MACO1: variants seen among roughly 807,000 people sequenced by gnomAD.
The protein encoded by MACO1 is macoilin.
A neutral mutation model predicts 78.7 loss-of-function variants in MACO1; 14 were observed. That is an observed-to-expected ratio of 0.18 (90% CI 0.12 to 0.28). The LOEUF is 0.28. Ranked by LOEUF, MACO1 falls within the 10% of genes least tolerant of loss-of-function variation. MACO1 has a pLI of 1.00. For missense variants in MACO1, 501 were observed against 799.0 expected, an observed-to-expected ratio of 0.63 and a Z score of 4.50; for synonymous variants, 288 against 291.6, an observed-to-expected ratio of 0.99 and a Z score of 0.12.
At chr1:25,455,325 A>G (rs559039868) in intron 4 of MACO1, among the ~76,000 whole-genome samples, 16 of 152,280 alleles carry the variant, frequency 1.1e-4, no homozygotes, top group South Asian at 2.1e-4. Context: ...ATTTAGATCT[A>G]TTGTGGAACT....
intron 10 of MACO1, among the ~76,000 whole-genome samples, chr1:25,495,900 T>A (rs2043531920): frequency 6.6e-6 from 1 of 152,138 alleles, no homozygotes; most frequent in Non-Finnish European, 1.5e-5. Flanking sequence ...AAGTGGAGGT[T>A]GCAGTGAGTA....
At position 25,491,424 on chromosome 1, in the gene MACO1, T is replaced by C. The variant is rs1313705162; in HGVS notation, c.1632T>C (p.Tyr544=). ...GATATTGATAGGAGCTTCGGAAATA[T>C]AAGGAAAATGAGAAGGACACTGAGG... ...LELKVQELRK[Y]KENEKDTEVL... is the part of the protein sequence containing the mutation. Residue 544 remains tyrosine (Y), a synonymous_variant, in exon 10 of 11, where the codon TAT becomes TAC. Transcript: ENST00000374343. 2.5e-6 allele frequency: 4 copies of C among 1,614,170 alleles called. No individual in the cohort carries two copies. Among genetic ancestry groups the C allele is most frequent in the African/African-American group, 1.3e-5 (1 of 75,038 alleles).
intron 4 of MACO1, 87 bp downstream of exon 4, chr1:25,454,469 TG>T: frequency 5.7e-6 from 1 of 174,260 alleles, no homozygotes; most frequent in Non-Finnish European, 8.4e-6. Context: ...TGTGTGTGTG[TG>T]TATATATATA....
At chr1:25,491,650 C>A in intron 10 of MACO1, 66 bp downstream of exon 10, 2 of 1,447,966 alleles carry the variant, frequency 1.4e-6, no homozygotes, top group Non-Finnish European at 1.9e-6. Context: ...ACAGGCCAGA[C>A]CTCTCCTGAG....
At chr1:25,433,053 G>A (rs979265211) in intron 1 of MACO1, among the ~76,000 whole-genome samples, 4 of 152,152 alleles carry the variant, frequency 2.6e-5, no homozygotes, top group African/African-American at 7.2e-5. Flanking sequence ...GTTATTCAGA[G>A]GTTCATCTGC....
At chr1:25,467,332 G>A (rs1195199777) in intron 6 of MACO1, among the ~76,000 whole-genome samples, 1 of 152,186 alleles carries the variant, frequency 6.6e-6, no homozygotes, top group Admixed American at 6.5e-5. Context: ...CTGTCCTGAA[G>A]TTTCAAGGCC....
intron 1 of MACO1, among the ~76,000 whole-genome samples, chr1:25,431,572 G>A (rs935625206): frequency 1.3e-5 from 2 of 152,018 alleles, no homozygotes; most frequent in African/African-American, 4.8e-5. Context: ...CGAGCCCCCC[G>A]GTGGCCTGGG....
chr1:25,485,539 A>C lies in MACO1; in HGVS notation c.1314-74A>C, dbSNP rs1013756730. On this transcript the variant is annotated intron_variant, in intron 7 of 10. Coordinates refer to ENST00000374343, the MANE Select transcript of MACO1 (RefSeq NM_018202.6). The surrounding 1 kb of genome is among the most constrained non-coding windows in gnomAD (Gnocchi z 4.3). ...CTGTTTAATTGGCCTTAAGGTGATA[A>C]AGAGATGTTTCTCAAGGGTTTATAG... is the stretch of plus-strand genomic sequence containing the variant. The C allele has an allele frequency of 3.4e-6, 5 of 1,481,346 alleles. No individual in the cohort carries two copies. The highest frequency in any genetic ancestry group is 4.5e-6 in the Non-Finnish European group (5 of 1,099,054). The allele number at this position is 1,481,346 out of a possible 1,614,324, so 91.8% of individuals were successfully genotyped here. A position where few individuals can be genotyped will look rare whatever the true frequency, so the allele number is the denominator to read the frequency against.
intron 5 of MACO1, among the ~76,000 whole-genome samples, chr1:25,458,000 G>A (rs2043136900): frequency 6.6e-6 from 1 of 151,920 alleles, no homozygotes; most frequent in African/African-American, 2.4e-5. Flanking sequence ...TTTACTCCAG[G>A]CACTTAAAAA....
At chr1:25,450,089 CCAAA>C (rs1405330583) in intron 3 of MACO1, among the ~76,000 whole-genome samples, 2 of 152,048 alleles carry the variant, frequency 1.3e-5, no homozygotes, top group African/African-American at 2.4e-5. Context: ...CGCCTCAATC[CCAAA>C]CATTGAACCT....
chr1:25,466,423 C>T (rs1318210160), intron 6 of MACO1, among the ~76,000 whole-genome samples: 6 of 152,202 alleles, frequency 3.9e-5, no homozygotes, highest in African/African-American at 1.2e-4. Flanking sequence ...AAGTGATTCT[C>T]GTGCCTCAGC....
Position 25,489,202 on chromosome 1 carries a change from G to C in MACO1, c.1526G>C (p.Arg509Pro). Residue 509 changes from arginine to proline, a missense_variant, in exon 9 of 11, where the codon CGG becomes CCG. Arg to Pro is a moderately radical substitution (Grantham distance 103). This residue lies in a region of MACO1 where 163 missense variants were observed against 271.9 expected (regional missense o/e 0.60). Coordinates refer to ENST00000374343, the MANE Select transcript of MACO1 (RefSeq NM_018202.6). Reference sequence around the variant, plus strand: ...GAATGCACCGAAACCTTACGGAATCGGATCAGAGAACTAGAAGCAGAGGGC... The same window carrying C: ...GAATGCACCGAAACCTTACGGAATCCGATCAGAGAACTAGAAGCAGAGGGC... The part of the protein sequence containing the change: ...RGECTETLRN[R>P]IRELEAEGKK... 6.2e-7 allele frequency: 1 copy of C among 1,613,842 alleles called. No homozygotes were observed. Among genetic ancestry groups the C allele is most frequent in the Non-Finnish European group, 8.5e-7 (1 of 1,179,922 alleles).
At chr1:25,491,864 G>C (rs1290972910) in intron 10 of MACO1, among the ~76,000 whole-genome samples, 1 of 152,206 alleles carries the variant, frequency 6.6e-6, no homozygotes, top group Non-Finnish European at 1.5e-5. Flanking sequence ...AACTGCAGAG[G>C]CATCAAAAGG....
intron 8 of MACO1, among the ~76,000 whole-genome samples, chr1:25,486,484 G>A (rs991166512): frequency 2.0e-5 from 3 of 152,028 alleles, no homozygotes; most frequent in African/African-American, 7.2e-5. Flanking sequence ...TTCTTGACTA[G>A]TGAAGTCCCT....
At position 25,454,244 on chromosome 1, in the gene MACO1, G is replaced by T; in HGVS notation, c.350-15G>T. 1 of 1,566,084 alleles carries T rather than the reference G, an allele frequency of 6.4e-7. No individual in the cohort carries two copies. Among genetic ancestry groups the T allele is most frequent in the Non-Finnish European group, 8.7e-7 (1 of 1,155,154 alleles). On this transcript the variant is annotated splice_polypyrimidine_tract_variant and intron_variant, in intron 3 of 10. Transcript: ENST00000374343. ...ATCGTTTATTAATGCTTGCCTCTCT[G>T]CTGCTTTCTCACAGAAAGGGGAGTG...
intron 1 of MACO1, among the ~76,000 whole-genome samples, chr1:25,441,112 A>G (rs1215153501): frequency 6.6e-6 from 1 of 152,100 alleles, no homozygotes; most frequent in Non-Finnish European, 1.5e-5. Flanking sequence ...CTCTCCCTCT[A>G]TATTCGTTGT....
chr1:25,475,565 A>AAAG (rs2043315035), intron 6 of MACO1, among the ~76,000 whole-genome samples: 1 of 148,142 alleles, frequency 6.8e-6, no homozygotes, highest in African/African-American at 2.5e-5. Context: ...AAAAAAAAAA[A>AAAG]AAAAGGAAAA....
intron 10 of MACO1, among the ~76,000 whole-genome samples, 197 bp downstream of exon 10, chr1:25,491,781 C>G (rs547969299): frequency 5.3e-5 from 8 of 152,310 alleles, no homozygotes; most frequent in African/African-American, 1.7e-4. Context: ...GAGAACATGT[C>G]AAGTGCAGGG....
chr1:25,442,285 A>G (rs2042979633), intron 1 of MACO1, among the ~76,000 whole-genome samples: 1 of 152,206 alleles, frequency 6.6e-6, no homozygotes, highest in Non-Finnish European at 1.5e-5. Context: ...GATAACAGAA[A>G]AGATAAAGCA....
Sources: gnomAD v4.1 joint callset for allele counts (sites outside exome capture counted in the v4.1 genomes callset) on GRCh38, gnomAD v4.1.1 for gene constraint, gnomAD v4.1.1 regional missense constraint, Gnocchi (gnomAD v3.1) non-coding constraint, MANE v1.5 for transcripts, NCBI Gene and HGNC (gene_info 2026-07-23, HGNC 2026-07-21) for gene names.